GRK5: variants seen among roughly 807,000 people sequenced by gnomAD.
The protein encoded by GRK5 is g protein-coupled receptor kinase GRK5.
Under a neutral mutation model 78.4 loss-of-function variants are expected in GRK5, and 40 were observed. The observed-to-expected ratio is 0.51, with a 90% CI of 0.40 to 0.66. GRK5 has a LOEUF of 0.66. Among genes scored for constraint, GRK5 ranks in the 30% least tolerant of loss-of-function variants. GRK5 has a pLI of 0.00. For synonymous variants in GRK5, 289 were observed against 296.8 expected (o/e 0.97, Z 0.27); for missense variants, 598 against 759.9 (o/e 0.79, Z 2.50).
chr10:119,286,078 A>G, intron 1 of GRK5, among the ~76,000 whole-genome samples: 1 of 151,766 alleles, frequency 6.6e-6, no homozygotes, highest in Middle Eastern at 3.4e-3. Context: ...CCCCACTGTG[A>G]ATGTTTTACT....
intron 3 of GRK5, among the ~76,000 whole-genome samples, chr10:119,394,228 G>C (rs1187073110): frequency 6.7e-6 from 1 of 149,142 alleles, no homozygotes; most frequent in African/African-American, 2.5e-5. Context: ...ACGTGTGGGT[G>C]TGGGTGTGTG....
intron 1 of GRK5, among the ~76,000 whole-genome samples, chr10:119,314,981 GC>G (rs907913932): frequency 1.4e-4 from 21 of 152,310 alleles, no homozygotes; most frequent in Non-Finnish European, 1.9e-4. Context: ...GCCTGTATCT[GC>G]CCCACTCCAT....
At position 119,368,628 on chromosome 10, in the gene GRK5, C is replaced by T. The variant is rs1046679454; in HGVS notation, c.149-12187C>T. Reference sequence around the variant, plus strand: ...GGGTCAGAGGTCATGCAGGGTCAGACGTGGAGCTGGACACAAAGCCCAATC... The same window carrying T: ...GGGTCAGAGGTCATGCAGGGTCAGATGTGGAGCTGGACACAAAGCCCAATC... On this transcript the variant is annotated intron_variant, in intron 2 of 15. Transcript: ENST00000392870. 7.2e-5 allele frequency among the ~76,000 whole-genome samples: 11 copies of T among 152,358 alleles called. No individual in the cohort carries two copies. The South Asian group carries it at 1.9e-3, about 26-fold the overall frequency.
At chr10:119,324,966 T>A (rs1850649279) in intron 1 of GRK5, among the ~76,000 whole-genome samples, 1 of 152,182 alleles carries the variant, frequency 6.6e-6, no homozygotes, top group South Asian at 2.1e-4. Context: ...CTGTGGAGAT[T>A]TGAGAGGAGG....
intron 1 of GRK5, among the ~76,000 whole-genome samples, chr10:119,298,560 TTC>T (rs1250761090): frequency 6.6e-6 from 1 of 152,184 alleles, no homozygotes; most frequent in Non-Finnish European, 1.5e-5. Context: ...GTTGTTTTTG[TTC>T]TCTCTGAATG....
chr10:119,448,203 G>C lies in GRK5; in HGVS notation c.1347G>C (p.Arg449Ser). Residue 449 changes from arginine (R) to serine (S), a missense_variant, in exon 13 of 16, where the codon AGG (arginine) becomes AGC (serine). Transcript: ENST00000392870. ...AAEVKRHPFF[R>S]NMNFKRLEAG... ...AGGTCAAGAGACACCCCTTCTTCAG[G>C]AACATGAACTTCAAGCGCTTAGAAG... is the stretch of plus-strand genomic sequence containing the variant. 6.3e-7 allele frequency: 1 copy of C among 1,592,436 alleles called. No homozygotes were observed. The highest frequency in any genetic ancestry group is 1.1e-5 in the South Asian group (1 of 87,942).
At chr10:119,436,883 G>C in intron 9 of GRK5, 42 bp downstream of exon 9, 1 of 1,542,696 alleles carries the variant, frequency 6.5e-7, no homozygotes, top group Non-Finnish European at 8.8e-7. Context: ...TAAGTCCGAG[G>C]GGGTGGGGCC....
intron 2 of GRK5, among the ~76,000 whole-genome samples, chr10:119,331,062 C>G (rs1345741255): frequency 6.6e-6 from 1 of 152,184 alleles, no homozygotes; most frequent in Non-Finnish European, 1.5e-5. Flanking sequence ...ACCTCATTCA[C>G]TTCCACTGTG....
chr10:119,293,392 G>A (rs140130106), intron 1 of GRK5, among the ~76,000 whole-genome samples: 1 of 152,276 alleles, frequency 6.6e-6, no homozygotes, highest in African/African-American at 2.4e-5. Flanking sequence ...TCTACCATGG[G>A]ATAGTTGTAA....
intron 4 of GRK5, among the ~76,000 whole-genome samples, chr10:119,415,096 A>AAG (rs1852421716): frequency 6.6e-6 from 1 of 151,314 alleles, no homozygotes; most frequent in Non-Finnish European, 1.5e-5. Context: ...AAAAAAAAAA[A>AAG]AAAAAAAGAA....
At chr10:119,331,600 G>C (rs988963835) in intron 2 of GRK5, among the ~76,000 whole-genome samples, 1 of 152,258 alleles carries the variant, frequency 6.6e-6, no homozygotes. Flanking sequence ...CAAGGGGACA[G>C]GGCCCCTTTA....
At chr10:119,296,936 C>A (rs569896935) in intron 1 of GRK5, among the ~76,000 whole-genome samples, 1 of 151,968 alleles carries the variant, frequency 6.6e-6, no homozygotes, top group Non-Finnish European at 1.5e-5. Context: ...TGGGCAGCCA[C>A]CTGACCTGTG....
intron 1 of GRK5, among the ~76,000 whole-genome samples, chr10:119,279,200 T>C (rs1849718085): frequency 6.6e-6 from 1 of 152,194 alleles, no homozygotes; most frequent in Non-Finnish European, 1.5e-5. Context: ...TTTATAAAGA[T>C]ATCAGTCACA....
Position 119,207,896 on chromosome 10 carries a change from C to T in GRK5, c.-22C>T, listed in dbSNP as rs1265590791. The T allele has an allele frequency of 3.8e-6, 6 of 1,590,814 alleles. No homozygotes were observed. The highest frequency in any genetic ancestry group is 2.8e-5 in the African/African-American group (2 of 72,466). ...CGCTGACAGCCCCGCCGGCCGGCTC[C>T]GTTGCTGACCGCCGACTGTCAATGG... On this transcript the variant is annotated 5_prime_UTR_variant, in exon 1 of 16. Transcript: ENST00000392870.
intron 1 of GRK5, among the ~76,000 whole-genome samples, chr10:119,239,236 G>GT (rs569617800): frequency 0.031 from 4,320 of 138,748 alleles, 191 homozygotes; most frequent in African/African-American, 0.094. Flanking sequence ...GGAGCAGAAG[G>GT]TTTTTTTTTT....
intron 1 of GRK5, among the ~76,000 whole-genome samples, chr10:119,282,208 ATTACT>A (rs1188944858): frequency 6.6e-6 from 1 of 152,074 alleles, no homozygotes; most frequent in African/African-American, 2.4e-5. Context: ...GGGGCCCTAA[ATTACT>A]TTAGTATCGT....
At chr10:119,427,098 T>G (rs942163862) in intron 6 of GRK5, among the ~76,000 whole-genome samples, 1 of 151,040 alleles carries the variant, frequency 6.6e-6, no homozygotes, top group Non-Finnish European at 1.5e-5. Flanking sequence ...ACCGCCATCA[T>G]CAGCATCACT....
At chr10:119,218,605 A>G (rs1848612455) in intron 1 of GRK5, among the ~76,000 whole-genome samples, 2 of 152,124 alleles carry the variant, frequency 1.3e-5, no homozygotes, top group Non-Finnish European at 2.9e-5. Context: ...ATATGTAGAT[A>G]ACATCCCAGG....
chr10:119,297,477 A>G (rs1302313181), intron 1 of GRK5, among the ~76,000 whole-genome samples: 1 of 152,140 alleles, frequency 6.6e-6, no homozygotes, highest in African/African-American at 2.4e-5. Context: ...GGACTTTGCT[A>G]TGGTTTGAAT....
Sources: gnomAD v4.1 joint callset for allele counts (sites outside exome capture counted in the v4.1 genomes callset) on GRCh38, gnomAD v4.1.1 for gene constraint, MANE v1.5 for transcripts, NCBI Gene and HGNC (gene_info 2026-07-23, HGNC 2026-07-21) for gene names.